Variants in TUBA1B observed in about 807,000 individuals in gnomAD.
TUBA1B encodes tubulin alpha 1b, also known as tubulin alpha-1B chain.
In TUBA1B, 1 loss-of-function variant was observed where a neutral mutation model predicts 34.4. The ratio of observed to expected loss-of-function variants is 0.03; its 90% CI spans 0.01 to 0.14. The LOEUF is 0.14. Among genes scored for constraint, TUBA1B ranks in the 10% least tolerant of loss-of-function variants. The probability of loss-of-function intolerance (pLI) is 1.00; values close to 1 mark genes in which losing one functional copy is unlikely to be tolerated. For missense variants in TUBA1B, 54 were observed against 583.6 expected (o/e 0.09, Z 9.35); for synonymous variants, 197 against 212.5 (o/e 0.93, Z 0.64).
In TUBA1B at chr12:49,127,961, G is replaced by C. The variant is rs1237263465; in HGVS notation, c.1353C>G (p.Tyr451Ter). The C allele has an allele frequency of 6.2e-7, 1 of 1,613,932 alleles. No homozygotes were observed. ...CAGGGCCAAAAGGAATGGATAATTAGTATTCCTCTCCTTCTTCCTCACCCT... is the reference window on the plus strand; with the variant it reads ...CAGGGCCAAAAGGAATGGATAATTACTATTCCTCTCCTTCTTCCTCACCCT... ...EGEGEEEGEE[Y>*] Residue 451 changes from tyrosine (Y) to a stop codon, truncating the protein, a stop_gained, in exon 4 of 4, where the codon TAC (tyrosine) becomes TAG (stop). Coordinates refer to ENST00000336023, the MANE Select transcript of TUBA1B (RefSeq NM_006082.3). LOFTEE classifies it high-confidence loss of function.
At chr12:49,129,973 G>A in intron 1 of TUBA1B, 1 of 997,214 alleles carries the variant, frequency 1.0e-6, no homozygotes, top group Non-Finnish European at 1.4e-6. Flanking sequence ...GTGGAGATGA[G>A]GTCTGGCTGT....
chr12:49,130,143 C>T, intron 1 of TUBA1B: 1 of 1,203,380 alleles, frequency 8.3e-7, no homozygotes, highest in Non-Finnish European at 1.1e-6. Context: ...CCGGGAAGGC[C>T]TCCTTCCAGA....
chr12:49,131,157 G>A, intron 1 of TUBA1B, 141 bp downstream of exon 1: 2 of 1,074,078 alleles, frequency 1.9e-6, no homozygotes, highest in Non-Finnish European at 2.7e-6. Flanking sequence ...CTCCCGCCCT[G>A]GCCTCTCGCC....
rs368098763 is a variant in TUBA1B at position 49,129,558 on chromosome 12, C to T, written c.168G>A (p.Thr56=). ...DDSFNTFFSE[T]GAGKHVPRAV... ...CCCGGGGCACGTGCTTGCCAGCGCC[C>T]GTCTCACTGAAGAAGGTGTTGAAGG... The change falls in exon 2 of 4, where the codon ACG becomes ACA. Residue 56 remains threonine (T), a synonymous_variant. Coordinates refer to ENST00000336023, the MANE Select transcript of TUBA1B (RefSeq NM_006082.3). 44 of 1,614,062 alleles carry T rather than the reference C, an allele frequency of 2.7e-5. No individual in the cohort carries two copies. The highest frequency in any genetic ancestry group is 5.0e-5 in the Admixed American group (3 of 59,994).
intron 1 of TUBA1B, chr12:49,130,365 G>A (rs936066231): frequency 7.8e-6 from 10 of 1,288,876 alleles, no homozygotes; most frequent in Admixed American, 2.3e-5. Context: ...GGATGAATGA[G>A]CAATTCCGGG....
At chr12:49,129,756 C>T (rs1356282799) in intron 1 of TUBA1B, 34 bp from the exon 2 acceptor site, 1 of 1,613,480 alleles carries the variant, frequency 6.2e-7, no homozygotes, top group Non-Finnish European at 8.5e-7. Flanking sequence ...ACAATTTAAA[C>T]CAATCTATTG....
intron 1 of TUBA1B, chr12:49,130,470 C>G (rs1049194509): frequency 1.4e-6 from 1 of 709,630 alleles, no homozygotes; most frequent in Admixed American, 2.5e-5. Context: ...CCTTGCCTGC[C>G]GGCATCGGGC....
intron 1 of TUBA1B, chr12:49,130,624 C>A (rs1445722207): frequency 8.7e-6 from 3 of 345,614 alleles, no homozygotes; most frequent in Non-Finnish European, 1.7e-5. Context: ...CAGGGAGAGA[C>A]AGGTGGCCTC....
At chr12:49,130,417 A>T in intron 1 of TUBA1B, 2 of 1,230,964 alleles carry the variant, frequency 1.6e-6, no homozygotes, top group South Asian at 2.5e-5. Context: ...AGAGGCACGA[A>T]ATGGCCACGT....
Position 49,131,348 on chromosome 12 carries a change from C to A in TUBA1B, c.-48G>T. Reference sequence around the variant, plus strand: ...AAGGCGACAGGAGCAGACACCGGGTCCCGGTTACCGTCCCCGACAAGCTAA... The same window carrying A: ...AAGGCGACAGGAGCAGACACCGGGTACCGGTTACCGTCCCCGACAAGCTAA... On this transcript the variant is annotated 5_prime_UTR_variant, in exon 1 of 4. Coordinates refer to ENST00000336023, the MANE Select transcript of TUBA1B (RefSeq NM_006082.3). The A allele has an allele frequency of 2.5e-6, 4 of 1,607,216 alleles. No homozygotes were observed. Among genetic ancestry groups the A allele is most frequent in the South Asian group, 2.2e-5 (2 of 89,986 alleles).
chr12:49,129,879 C>T (rs1397839795), intron 1 of TUBA1B, 157 bp from the exon 2 acceptor site: 2 of 1,277,018 alleles, frequency 1.6e-6, no homozygotes, highest in Non-Finnish European at 2.1e-6. Flanking sequence ...AGCCTAGGCT[C>T]CAGTCATCCC....
In TUBA1B at chr12:49,128,994, T is replaced by C. The variant is rs1001642284; in HGVS notation, c.376-56A>G. The C allele has an allele frequency of 1.9e-6, 3 of 1,546,578 alleles. No homozygotes were observed. The highest frequency in any genetic ancestry group is 3.5e-4 in the Middle Eastern group (2 of 5,746). ...AATGCCAGGACACATTATCTTAGAA[T>C]TTCTATTTCAACTTTTTAGATTACG... On this transcript the variant is annotated intron_variant, in intron 3 of 3. Coordinates refer to ENST00000336023, the MANE Select transcript of TUBA1B (RefSeq NM_006082.3). This position sits in a 1 kb window ranked among gnomAD's most constrained non-coding sequence, Gnocchi z 8.1.
rs1221445918 is a variant in TUBA1B at position 49,131,153 on chromosome 12, C to T, written c.3+145G>A. On this transcript the variant is annotated intron_variant, in intron 1 of 3. Coordinates refer to ENST00000336023, the MANE Select transcript of TUBA1B (RefSeq NM_006082.3). ...ACACACCGAGGTCTCACCACTCCCG[C>T]CCTGGCCTCTCGCCTCGTTTTCCGC... The T allele has an allele frequency of 3.5e-5, 36 of 1,037,462 alleles. 1 individual carries two copies. The Middle Eastern group carries it at 8.3e-4, about 24-fold the overall frequency. The allele number at this position is 1,037,462 out of a possible 1,614,324, so 64.3% of individuals were successfully genotyped here. A position where few individuals can be genotyped will look rare whatever the true frequency, so the allele number is the denominator to read the frequency against.
Position 49,128,132 on chromosome 12 carries a change from C to T in TUBA1B, c.1182G>A (p.Lys394=), listed in dbSNP as rs750048776. The T allele has an allele frequency of 9.9e-6, 16 of 1,614,110 alleles. No homozygotes were observed. The African/African-American group carries it at 1.7e-4, about 18-fold the overall frequency. The stretch of plus-strand genomic sequence containing the variant: ...CACGCTTGGCATACATCAGGTCAAA[C>T]TTGTGGTCCAGGCGAGCCCAGGCCT... The part of the protein sequence containing the change: ...IAEAWARLDH[K]FDLMYAKRAF... Residue 394 remains lysine, a synonymous_variant, in exon 4 of 4, where the codon AAG becomes AAA. Coordinates refer to ENST00000336023, the MANE Select transcript of TUBA1B (RefSeq NM_006082.3). This position sits in a 1 kb window ranked among gnomAD's most constrained non-coding sequence, Gnocchi z 8.1.
chr12:49,131,134 C>G, intron 1 of TUBA1B, 164 bp downstream of exon 1: 1 of 774,158 alleles, frequency 1.3e-6, no homozygotes, highest in African/African-American at 1.8e-5. Flanking sequence ...TTACACACAC[C>G]GAGGTCTCAC....
chr12:49,131,187 C>G, intron 1 of TUBA1B, 111 bp downstream of exon 1: 1 of 1,395,238 alleles, frequency 7.2e-7, no homozygotes, highest in Non-Finnish European at 9.8e-7. Context: ...GCCCTCCAAA[C>G]GGACGGCTCT....
At chr12:49,130,363 G>C (rs1332064410) in intron 1 of TUBA1B, 1 of 1,288,938 alleles carries the variant, frequency 7.8e-7, no homozygotes. Flanking sequence ...CAGGATGAAT[G>C]AGCAATTCCG....
At chr12:49,131,087 A>G in intron 1 of TUBA1B, 1 of 542,520 alleles carries the variant, frequency 1.8e-6, no homozygotes, top group Non-Finnish European at 3.3e-6. Context: ...CCGAGAAGAA[A>G]TCCTGGCGCC....
chr12:49,129,898 A>G lies in TUBA1B; in HGVS notation c.4-176T>C, dbSNP rs566197586. ...TAGGCTCCAGTCATCCCCCCACCTC[A>G]GCCTCTGGAGCAGCTGGGACCACAG... On this transcript the variant is annotated intron_variant, in intron 1 of 3. Coordinates refer to ENST00000336023, the MANE Select transcript of TUBA1B (RefSeq NM_006082.3). The G allele has an allele frequency of 2.3e-5, 27 of 1,198,166 alleles. No individual in the cohort carries two copies. In the African/African-American group the frequency reaches 3.8e-4, roughly 17 times the overall value. The allele number at this position is 1,198,166 out of a possible 1,614,324, so 74.2% of individuals were successfully genotyped here.
Sources: gnomAD v4.1 joint callset for allele counts on GRCh38, gnomAD v4.1.1 for gene constraint, Gnocchi (gnomAD v3.1) non-coding constraint, MANE v1.5 for transcripts, NCBI Gene and HGNC (gene_info 2026-07-23, HGNC 2026-07-21) for gene names.